PARD6G: variants seen among roughly 807,000 people sequenced by gnomAD.
PARD6G encodes the protein partitioning defective 6 homolog gamma.
In PARD6G, 7 loss-of-function variants were observed where a neutral mutation model predicts 10.7. The ratio of observed to expected loss-of-function variants is 0.66; its 90% confidence interval spans 0.37 to 1.23. The LOEUF is 1.23. PARD6G is among the 50% of genes most tolerant of loss of function. The probability of loss-of-function intolerance (pLI) is 0.02; values close to 1 mark genes in which losing one functional copy is unlikely to be tolerated. For missense variants in PARD6G, 548 were observed against 571.8 expected, an observed-to-expected ratio of 0.96 and a Z score of 0.42; for synonymous variants, 287 against 269.4, an observed-to-expected ratio of 1.07 and a Z score of -0.64.
Position 80,247,507 on chromosome 18 carries a change from C to T in PARD6G, c.-159G>A, listed in dbSNP as rs1260642495. The T allele has an allele frequency of 2.5e-5, 6 of 238,122 alleles. No individual in the cohort carries two copies. The highest frequency in any genetic ancestry group is 3.4e-5 in the Non-Finnish European group (5 of 146,880). 14.8% of individuals were successfully genotyped at this position (238,122 alleles called of 1,614,324 possible). On this transcript the variant is annotated 5_prime_UTR_variant, in exon 1 of 3. Transcript: ENST00000353265. The surrounding 1 kb of genome is among the most constrained non-coding windows in gnomAD (Gnocchi z 4.2). ...CTGCGGGCCCGAGCTGGGCTGGCCG[C>T]GCGCCTCAGGGACTCCAGGGGCCGC...
In PARD6G at chr18:80,160,458, A is replaced by G. The variant is rs537377727; in HGVS notation, c.444T>C (p.Asp148=). Residue 148 remains aspartate (D), a synonymous_variant, in exon 3 of 3, where the codon GAT becomes GAC. Coordinates refer to ENST00000353265, the MANE Select transcript of PARD6G (RefSeq NM_032510.4). ...GGTGCGTCTCGGGGACCAGGTCCAC[A>G]TCGATGATGGATGATACGGGGCGGA... ...RDFRPVSSII[D]VDLVPETHRR... is the part of the protein sequence containing the mutation. 1.4e-4 allele frequency: 219 copies of G among 1,574,986 alleles called. No homozygotes were observed. In the East Asian group the frequency reaches 4.6e-3, roughly 33 times the overall value.
intron 1 of PARD6G, among the ~76,000 whole-genome samples, chr18:80,230,942 C>T (rs528662540): frequency 1.3e-5 from 2 of 152,312 alleles, no homozygotes; most frequent in African/African-American, 2.4e-5. Context: ...CAATAACCTG[C>T]CCATAGTCAC....
Position 80,202,728 on chromosome 18 carries a change from C to T in PARD6G, c.277G>A (p.Val93Ile), listed in dbSNP as rs1018401922. ...TCAGTACCTCGTTTCTGGATGAAGA[C>T]CCTGAGCAGGGGATTTGCACTAGAA... The part of the protein sequence containing the change: ...AVSSANPLLR[V>I]FIQKREEAER... Residue 93 changes from valine (V) to isoleucine (I), a missense_variant, in exon 2 of 3, where the codon GTC becomes ATC. Val to Ile is a conservative substitution (Grantham distance 29, BLOSUM62 3). This residue lies in a region of PARD6G where 235 missense variants were observed against 291.9 expected (regional missense o/e 0.81). Transcript: ENST00000353265. The T allele has an allele frequency of 6.2e-7, 1 of 1,613,036 alleles. No homozygotes were observed. Among genetic ancestry groups the T allele is most frequent in the South Asian group, 1.1e-5 (1 of 91,030 alleles).
At chr18:80,209,742 G>A (rs977784613) in intron 1 of PARD6G, among the ~76,000 whole-genome samples, 1 of 152,216 alleles carries the variant, frequency 6.6e-6, no homozygotes, top group African/African-American at 2.4e-5. Flanking sequence ...AACCTGGGAT[G>A]TGGAGTCTGC....
chr18:80,174,505 TG>T (rs1448675441), intron 2 of PARD6G, among the ~76,000 whole-genome samples: 2 of 151,982 alleles, frequency 1.3e-5, no homozygotes, highest in Admixed American at 6.6e-5. Context: ...TATGTCCACC[TG>T]GAAGAACTCA....
chr18:80,160,575 G>C lies in PARD6G; in HGVS notation c.327C>G (p.Gly109=). Reference sequence around the variant, plus strand: ...GCGCCCGCCTCCGCCTGCACAGCGAGCCCGCGCCGAGGCTGCCACGCTCGG... The same window carrying C: ...GCGCCCGCCTCCGCCTGCACAGCGACCCCGCGCCGAGGCTGCCACGCTCGG... ...EEAERGSLGA[G]SLCRRRRALG... The change falls in exon 3 of 3, where the codon GGC becomes GGG. Residue 109 remains glycine, a synonymous_variant. Coordinates refer to ENST00000353265, the MANE Select transcript of PARD6G (RefSeq NM_032510.4). 6.8e-7 allele frequency: 1 copy of C among 1,461,220 alleles called. No individual in the cohort carries two copies. Among genetic ancestry groups the C allele is most frequent in the Non-Finnish European group, 9.0e-7 (1 of 1,110,382 alleles). The allele number at this position is 1,461,220 out of a possible 1,614,324, so 90.5% of individuals were successfully genotyped here.
At chr18:80,224,572 G>A (rs181600445) in intron 1 of PARD6G, among the ~76,000 whole-genome samples, 5 of 152,292 alleles carry the variant, frequency 3.3e-5, no homozygotes, top group Admixed American at 2.6e-4. Flanking sequence ...CCAAGGCCGG[G>A]TGCGGTGGCT....
At position 80,180,041 on chromosome 18, in the gene PARD6G, T is replaced by G. The variant is rs997714560; in HGVS notation, c.296-19435A>C. 6.6e-6 allele frequency among the ~76,000 whole-genome samples: 1 copy of G among 152,112 alleles called. No individual in the cohort carries two copies. The highest frequency in any genetic ancestry group is 1.5e-5 in the Non-Finnish European group (1 of 68,010). ...CCTGACGGGAACGCCCCATTGTGCCTCAGAACGAAAGTTCAGTGGTCTGCA... is the reference window on the plus strand; with the variant it reads ...CCTGACGGGAACGCCCCATTGTGCCGCAGAACGAAAGTTCAGTGGTCTGCA... On this transcript the variant is annotated intron_variant, in intron 2 of 2. Coordinates refer to ENST00000353265, the MANE Select transcript of PARD6G (RefSeq NM_032510.4). This position sits in a 1 kb window ranked among gnomAD's most constrained non-coding sequence, Gnocchi z 5.6.
intron 2 of PARD6G, among the ~76,000 whole-genome samples, chr18:80,199,671 T>G (rs1966991266): frequency 6.6e-6 from 1 of 152,180 alleles, no homozygotes; most frequent in Non-Finnish European, 1.5e-5. Context: ...GAGACGGAGT[T>G]TCGCTCTGTC....
intron 1 of PARD6G, among the ~76,000 whole-genome samples, chr18:80,241,565 G>A (rs115611078): frequency 0.025 from 3,809 of 152,202 alleles, 158 homozygotes; most frequent in African/African-American, 0.087. Context: ...ATATATGCAC[G>A]TATATTGGAG....
chr18:80,177,216 G>GCACACACACACACA (rs1491357384), intron 2 of PARD6G, among the ~76,000 whole-genome samples: 1 of 48,134 alleles, frequency 2.1e-5, no homozygotes, highest in Non-Finnish European at 3.2e-5. Flanking sequence ...TAAATGGGAA[G>GCACACACACACACA]CGCACACACA....
chr18:80,160,061 C>A lies in PARD6G; in HGVS notation c.841G>T (p.Ala281Ser). Residue 281 changes from alanine to serine, a missense_variant, in exon 3 of 3, where the codon GCC (alanine) becomes TCC (serine). Ala to Ser is a moderately conservative substitution (Grantham distance 99). Around this residue, in one of 2 missense-constraint regions of PARD6G, gnomAD observed 313 missense variants for 279.9 expected, o/e 1.12. Coordinates refer to ENST00000353265, the MANE Select transcript of PARD6G (RefSeq NM_032510.4). ...TGGAAGTTCTGCAGGACGCGCGGGGCGGGGGGACCCACGAAGCCCGCGGTG... is the reference window on the plus strand; with the variant it reads ...TGGAAGTTCTGCAGGACGCGCGGGGAGGGGGGACCCACGAAGCCCGCGGTG... Reference protein sequence around the residue: ...DGTAGFVGPPAPRVLQNFHPD... With the variant: ...DGTAGFVGPPSPRVLQNFHPD... The A allele has an allele frequency of 1.3e-6, 2 of 1,561,198 alleles. No individual in the cohort carries two copies. The highest frequency in any genetic ancestry group is 1.7e-6 in the Non-Finnish European group (2 of 1,157,650).
intron 1 of PARD6G, among the ~76,000 whole-genome samples, chr18:80,235,080 T>G (rs1967404442): frequency 6.6e-6 from 1 of 152,152 alleles, no homozygotes; most frequent in Non-Finnish European, 1.5e-5. Flanking sequence ...ACACCACACC[T>G]ATTCCAAAAT....
At chr18:80,213,248 G>A (rs1383458217) in intron 1 of PARD6G, among the ~76,000 whole-genome samples, 1 of 152,218 alleles carries the variant, frequency 6.6e-6, no homozygotes, top group Admixed American at 6.5e-5. Context: ...GGAGTGAGCT[G>A]TTCAAAGAAG....
intron 1 of PARD6G, among the ~76,000 whole-genome samples, chr18:80,235,244 G>A (rs1294643799): frequency 6.6e-6 from 1 of 152,136 alleles, no homozygotes. Flanking sequence ...TGAACAACCT[G>A]CTCCTGAATG....
At position 80,158,445 on chromosome 18, in the gene PARD6G, T is replaced by G. The variant is rs1230132354; in HGVS notation, c.*1326A>C. ...AGGAAAAGGGTCATCTTAGAGGCAA[T>G]AGAGGCTTACATCCCAAATGGGACT... On this transcript the variant is annotated 3_prime_UTR_variant, in exon 3 of 3. Transcript: ENST00000353265. 1 of 152,202 alleles carries G rather than the reference T, an allele frequency of 6.6e-6. No individual in the cohort carries two copies. Among genetic ancestry groups the G allele is most frequent in the Admixed American group, 6.5e-5 (1 of 15,280 alleles). 9.4% of individuals were successfully genotyped at this position (152,202 alleles called of 1,614,324 possible). A position where few individuals can be genotyped will look rare whatever the true frequency, so the allele number is the denominator to read the frequency against.
At chr18:80,220,437 A>G (rs1451907550) in intron 1 of PARD6G, among the ~76,000 whole-genome samples, 5 of 152,184 alleles carry the variant, frequency 3.3e-5, no homozygotes, top group African/African-American at 1.2e-4. Flanking sequence ...TCATTAAGTT[A>G]AAAGGGACAT....
Position 80,201,044 on chromosome 18 carries a change from C to T in PARD6G, c.295+1666G>A, listed in dbSNP as rs1967002846. On this transcript the variant is annotated intron_variant, in intron 2 of 2. Coordinates refer to ENST00000353265, the MANE Select transcript of PARD6G (RefSeq NM_032510.4). The surrounding 1 kb of genome is among the most constrained non-coding windows in gnomAD (Gnocchi z 5.9). Reference sequence around the variant, plus strand: ...TCACCCCACACCATGTGAGCAAATGCTGTGACCTGGGATGGCAGGGGCACA... The same window carrying T: ...TCACCCCACACCATGTGAGCAAATGTTGTGACCTGGGATGGCAGGGGCACA... Among the ~76,000 whole-genome samples the T allele has an allele frequency of 6.6e-6, 1 of 152,216 alleles. No individual in the cohort carries two copies. Among genetic ancestry groups the T allele is most frequent in the Admixed American group, 6.5e-5 (1 of 15,282 alleles).
intron 1 of PARD6G, among the ~76,000 whole-genome samples, chr18:80,235,974 A>C (rs1967417131): frequency 6.6e-6 from 1 of 152,196 alleles, no homozygotes; most frequent in African/African-American, 2.4e-5. Flanking sequence ...CAATAGAAAA[A>C]GAGGGAATCC....
Sources: allele counts gnomAD v4.1 joint callset (sites outside exome capture counted in the v4.1 genomes callset), GRCh38; gene constraint gnomAD v4.1.1; regional missense constraint gnomAD v4.1.1; non-coding constraint Gnocchi (gnomAD v3.1); transcripts MANE v1.5; gene names NCBI Gene and HGNC (gene_info 2026-07-23, HGNC 2026-07-21).